The following CHL1 variants were observed in gnomAD, a reference collection of about 807,000 sequenced individuals.
CHL1 encodes neural cell adhesion molecule L1-like protein.
A neutral mutation model predicts 141.9 loss-of-function variants in CHL1; 96 were observed. The observed-to-expected ratio is 0.68, with a 90% CI of 0.57 to 0.80. The LOEUF (loss-of-function observed/expected upper bound fraction) is 0.80. Ranked by LOEUF, CHL1 falls within the 30% of genes least tolerant of loss-of-function variation. The pLI, the probability that CHL1 is intolerant of heterozygous loss-of-function variation, is 0.00. For synonymous variants in CHL1, 613 were observed against 502.2 expected (o/e 1.22, Z -2.95); for missense variants, 1,820 against 1,457.2 (o/e 1.25, Z -4.05).
At chr3:246,513 A>G (rs578104996) in intron 2 of CHL1, 1 of 152,168 alleles carries the variant, frequency 6.6e-6, no homozygotes, top group African/African-American at 2.4e-5. Flanking sequence ...TAAAACACCC[A>G]TACCCACACC....
At chr3:326,334 C>G (rs944679437) in intron 4 of CHL1, among the ~76,000 whole-genome samples, 5 of 151,924 alleles carry the variant, frequency 3.3e-5, no homozygotes, top group Non-Finnish European at 5.9e-5. Flanking sequence ...CTCCACAATC[C>G]CTTAGTCTAC....
At chr3:316,583 A>G (rs556211439) in intron 2 of CHL1, among the ~76,000 whole-genome samples, 1 of 152,074 alleles carries the variant, frequency 6.6e-6, no homozygotes, top group Non-Finnish European at 1.5e-5. Flanking sequence ...TATCATTAAT[A>G]TAAGCTATCA....
intron 1 of CHL1, among the ~76,000 whole-genome samples, chr3:226,232 C>T (rs1417321478): frequency 2.0e-5 from 3 of 149,450 alleles, no homozygotes; most frequent in South Asian, 4.2e-4. Context: ...ATGTTGGCCA[C>T]GCTAATGTTG....
intron 1 of CHL1, chr3:213,587 T>G (rs576619180): frequency 6.6e-6 from 1 of 152,256 alleles, no homozygotes; most frequent in South Asian, 2.1e-4. Context: ...TCCAATCTAA[T>G]TAAAGAACTC....
In CHL1 at chr3:227,322, C is replaced by G. The variant is rs1481349252; in HGVS notation, c.-174-17291C>G. Among the ~76,000 whole-genome samples, 4 of 152,150 alleles carry G rather than the reference C, an allele frequency of 2.6e-5. No homozygotes were observed. In the South Asian group the frequency reaches 6.2e-4, roughly 24 times the overall value. On this transcript the variant is annotated intron_variant, in intron 1 of 27. Transcript: ENST00000256509. ...AGTGAAGGAAATCCAAAGTTGGGGT[C>G]TAGAATACAAATACACCTGTGTGCA... is the stretch of plus-strand genomic sequence containing the variant.
intron 2 of CHL1, among the ~76,000 whole-genome samples, chr3:287,579 C>A (rs149207332): frequency 6.6e-6 from 1 of 152,240 alleles, no homozygotes; most frequent in Non-Finnish European, 1.5e-5. Flanking sequence ...AAATGCCAGT[C>A]TTTGATTTGA....
chr3:227,610 A>T (rs567880618), intron 1 of CHL1, among the ~76,000 whole-genome samples: 16 of 152,368 alleles, frequency 1.1e-4, no homozygotes, highest in Non-Finnish European at 1.3e-4. Flanking sequence ...GTGTGGACGG[A>T]CAGATGCTAC....
chr3:386,208 G>A (rs1221222094), intron 19 of CHL1, among the ~76,000 whole-genome samples: 22 of 120,796 alleles, frequency 1.8e-4, no homozygotes, highest in African/African-American at 4.0e-4. Context: ...GACATAATTT[G>A]AAAAAAAAAA....
chr3:306,724 A>C (rs1413259946), intron 2 of CHL1, among the ~76,000 whole-genome samples: 1 of 152,004 alleles, frequency 6.6e-6, no homozygotes, highest in Admixed American at 6.5e-5. Flanking sequence ...AACAGTTATG[A>C]AACAGTATAG....
At chr3:238,730 G>C (rs578177628) in intron 1 of CHL1, among the ~76,000 whole-genome samples, 195 of 151,068 alleles carry the variant, frequency 1.3e-3, no homozygotes, top group African/African-American at 4.3e-3. Flanking sequence ...TTCGAGACCA[G>C]CCTAGCTAAC....
At chr3:332,331 G>A (rs532869451) in intron 5 of CHL1, among the ~76,000 whole-genome samples, 1 of 152,088 alleles carries the variant, frequency 6.6e-6, no homozygotes, top group Non-Finnish European at 1.5e-5. Flanking sequence ...TAATTTTATT[G>A]TTAAATTATA....
intron 1 of CHL1, among the ~76,000 whole-genome samples, chr3:201,804 C>G (rs1374230989): frequency 6.6e-6 from 1 of 152,104 alleles, no homozygotes; most frequent in Non-Finnish European, 1.5e-5. Context: ...CATCTTATTT[C>G]CCCTATAGTT....
chr3:205,817 G>C (rs1699382477), intron 1 of CHL1, among the ~76,000 whole-genome samples: 1 of 152,326 alleles, frequency 6.6e-6, no homozygotes, highest in South Asian at 2.1e-4. Flanking sequence ...TTTATTATGT[G>C]TTTTGCAATC....
At chr3:271,430 C>T (rs552405340) in intron 2 of CHL1, among the ~76,000 whole-genome samples, 1 of 152,070 alleles carries the variant, frequency 6.6e-6, no homozygotes, top group Non-Finnish European at 1.5e-5. Context: ...TAGAGTGAGA[C>T]CCTGTCTCAA....
intron 2 of CHL1, among the ~76,000 whole-genome samples, chr3:255,514 TATAC>T (rs921022159): frequency 6.6e-6 from 1 of 152,030 alleles, no homozygotes; most frequent in African/African-American, 2.4e-5. Flanking sequence ...TGTGTGTGTG[TATAC>T]ATACATACAC....
At chr3:287,081 A>T (rs989635439) in intron 2 of CHL1, among the ~76,000 whole-genome samples, 2 of 152,152 alleles carry the variant, frequency 1.3e-5, no homozygotes, top group African/African-American at 4.8e-5. Context: ...AATGCAGCCC[A>T]GTAGGTCTCA....
chr3:263,158 C>G (rs1694874179), intron 2 of CHL1, among the ~76,000 whole-genome samples: 1 of 152,130 alleles, frequency 6.6e-6, no homozygotes, highest in East Asian at 1.9e-4. Flanking sequence ...CACTGAAGCT[C>G]CATCGCAGGC....
intron 2 of CHL1, among the ~76,000 whole-genome samples, chr3:279,322 C>T (rs1304474417): frequency 1.3e-5 from 2 of 152,046 alleles, no homozygotes; most frequent in Non-Finnish European, 2.9e-5. Flanking sequence ...TATCTTTTTG[C>T]AGAGCCTTAA....
At chr3:336,092 A>G (rs1701841236) in intron 5 of CHL1, among the ~76,000 whole-genome samples, 1 of 152,236 alleles carries the variant, frequency 6.6e-6, no homozygotes, top group African/African-American at 2.4e-5. Context: ...AAGATCGCAT[A>G]GGAAGAGAAG....
Sources: gnomAD v4.1 joint callset for allele counts (sites outside exome capture counted in the v4.1 genomes callset) on GRCh38, gnomAD v4.1.1 for gene constraint, MANE v1.5 for transcripts, NCBI Gene and HGNC (gene_info 2026-07-23, HGNC 2026-07-21) for gene names.